The following ACOXL variants were observed in gnomAD, a reference collection of about 807,000 sequenced individuals.
ACOXL encodes the protein acyl-CoA oxidase like, also known as acyl-coenzyme A oxidase-like protein.
In ACOXL, 70 loss-of-function variants were observed where a neutral mutation model predicts 71.9. The ratio of observed to expected loss-of-function variants is 0.97; its 90% CI spans 0.80 to 1.19. The LOEUF (loss-of-function observed/expected upper bound fraction) is 1.19, where lower values mean the gene tolerates loss of function less well. ACOXL is among the 50% of genes most tolerant of loss of function. The pLI, the probability that ACOXL is intolerant of heterozygous loss-of-function variation, is 0.00. For missense variants in ACOXL, 703 were observed against 736.3 expected (o/e 0.95, Z 0.52); for synonymous variants, 253 against 281.6 (o/e 0.90, Z 1.02).
chr2:110,818,429 G>GT (rs1688201007), intron 9 of ACOXL, among the ~76,000 whole-genome samples: 1 of 142,330 alleles, frequency 7.0e-6, no homozygotes, highest in African/African-American at 2.6e-5. Flanking sequence ...ATATATGTGT[G>GT]TGTGTGTGTG....
At position 110,904,654 on chromosome 2, in the gene ACOXL, C is replaced by T. The variant is rs371370005; in HGVS notation, c.789-4135C>T. On this transcript the variant is annotated intron_variant, in intron 10 of 17. Coordinates refer to ENST00000439055, the MANE Select transcript of ACOXL (RefSeq NM_001142807.4). Reference sequence around the variant, plus strand: ...CTCACAGTTCCCAAGAGAAGGGGCACGCCATGCCACGCAGGGCCACACGGG... The same window carrying T: ...CTCACAGTTCCCAAGAGAAGGGGCATGCCATGCCACGCAGGGCCACACGGG... Among the ~76,000 whole-genome samples the T allele has an allele frequency of 9.6e-4, 146 of 152,270 alleles. 2 individuals are homozygous for T. The South Asian group carries it at 0.028, about 30-fold the overall frequency.
At chr2:110,901,034 G>A (rs17545048) in intron 10 of ACOXL, among the ~76,000 whole-genome samples, 42,093 of 152,142 alleles carry the variant, frequency 0.28, 6,669 homozygotes, top group Non-Finnish European at 0.35. Context: ...GTACGGATCT[G>A]CAGCCTGCTC....
intron 10 of ACOXL, among the ~76,000 whole-genome samples, chr2:110,851,126 A>G (rs1434661309): frequency 6.6e-6 from 1 of 152,208 alleles, no homozygotes; most frequent in Admixed American, 6.5e-5. Context: ...GTTGACTAGA[A>G]AGCAAAGTGA....
intron 16 of ACOXL, among the ~76,000 whole-genome samples, chr2:111,054,350 G>A (rs1011886055): frequency 4.6e-5 from 7 of 152,230 alleles, no homozygotes; most frequent in African/African-American, 1.7e-4. Flanking sequence ...GAGGTGGGCA[G>A]GCTGCTGGTG....
At chr2:110,765,145 C>T (rs890650762) in intron 1 of ACOXL, among the ~76,000 whole-genome samples, 1 of 152,152 alleles carries the variant, frequency 6.6e-6, no homozygotes. Context: ...GAGAAATCTG[C>T]TGTCATTCCA....
At chr2:110,852,040 C>T (rs1023975302) in intron 10 of ACOXL, among the ~76,000 whole-genome samples, 1 of 152,236 alleles carries the variant, frequency 6.6e-6, no homozygotes, top group African/African-American at 2.4e-5. Context: ...AGCTGCCCTT[C>T]TGCCAGGGCC....
rs2061999506 is a variant in ACOXL at position 110,967,836 on chromosome 2, G to A, written c.1060-19272G>A. On this transcript the variant is annotated intron_variant, in intron 12 of 17. Transcript: ENST00000439055. ...GATGTGGGTCTCTGTTTTGCAGGAT[G>A]GGGTTTGTTAAAGTTGTTAAGAATA... The A allele has an allele frequency of 2.5e-6, 3 of 1,183,066 alleles. No homozygotes were observed. In the South Asian group the frequency reaches 3.8e-5, roughly 15 times the overall value. 73.3% of individuals were successfully genotyped at this position (1,183,066 alleles called of 1,614,324 possible). A position where few individuals can be genotyped will look rare whatever the true frequency, so the allele number is the denominator to read the frequency against.
At chr2:110,853,675 TAC>T (rs1437943313) in intron 10 of ACOXL, among the ~76,000 whole-genome samples, 1 of 152,192 alleles carries the variant, frequency 6.6e-6, no homozygotes, top group South Asian at 2.1e-4. Context: ...TGTGCAATGA[TAC>T]AGAGACACAA....
Position 111,058,286 on chromosome 2 carries a change from C to A in ACOXL, c.1440+8998C>A, listed in dbSNP as rs77232649. The stretch of plus-strand genomic sequence containing the variant: ...AGGAGACATCTCTTTTGTGACTTGC[C>A]AAGAGCACGGAGAAATTCCATCAGG... On this transcript the variant is annotated intron_variant, in intron 16 of 17. Transcript: ENST00000439055. Among the ~76,000 whole-genome samples the A allele has an allele frequency of 4.4e-3, 675 of 152,242 alleles. 11 individuals carry two copies. The East Asian group carries it at 0.046, about 10-fold the overall frequency.
intron 10 of ACOXL, among the ~76,000 whole-genome samples, chr2:110,886,457 G>A (rs1244778111): frequency 1.3e-5 from 2 of 150,200 alleles, no homozygotes; most frequent in Non-Finnish European, 3.0e-5. Flanking sequence ...GCTCACTGCA[G>A]CCTCCACATC....
chr2:110,805,282 G>T lies in ACOXL; in HGVS notation c.640G>T (p.Asp214Tyr). 1 of 1,614,170 alleles carries T rather than the reference G, an allele frequency of 6.2e-7. No individual in the cohort carries two copies. Among genetic ancestry groups the T allele is most frequent in the East Asian group, 2.2e-5 (1 of 44,884 alleles). ...LLDKFGSVAP[D>Y]GQYHSPIRNK... ...CCACAGGTTTGGTTCCGTGGCTCCA[G>T]ATGGACAGTACCATTCGCCTATTAG... The change falls in exon 9 of 18, where the codon GAT (aspartate) becomes TAT (tyrosine). Residue 214 changes from aspartate to tyrosine, a missense_variant. Transcript: ENST00000439055.
chr2:110,860,424 T>G (rs547937159), intron 10 of ACOXL, among the ~76,000 whole-genome samples: 1 of 152,320 alleles, frequency 6.6e-6, no homozygotes, highest in East Asian at 1.9e-4. Flanking sequence ...CAGCCTTGAA[T>G]AGCCATTTTC....
At chr2:111,081,461 C>G (rs1386607485) in intron 16 of ACOXL, among the ~76,000 whole-genome samples, 3 of 152,112 alleles carry the variant, frequency 2.0e-5, no homozygotes, top group Non-Finnish European at 4.4e-5. Context: ...ATACAACTTA[C>G]AAGGGATGTG....
intron 14 of ACOXL, among the ~76,000 whole-genome samples, chr2:111,030,619 C>G (rs1349134868): frequency 2.0e-5 from 3 of 152,072 alleles, no homozygotes; most frequent in Non-Finnish European, 4.4e-5. Flanking sequence ...CGCAGAGCTG[C>G]AGGGAAGCAA....
chr2:110,750,522 G>T (rs1678788481), intron 1 of ACOXL, among the ~76,000 whole-genome samples: 1 of 150,746 alleles, frequency 6.6e-6, no homozygotes, highest in Non-Finnish European at 1.5e-5. Flanking sequence ...AGAAAACAAT[G>T]GCCCTACCAT....
At chr2:111,027,035 T>C (rs982546561) in intron 14 of ACOXL, among the ~76,000 whole-genome samples, 3 of 152,102 alleles carry the variant, frequency 2.0e-5, no homozygotes, top group African/African-American at 4.8e-5. Context: ...TAGCTGAAAC[T>C]ACAGGCACCC....
chr2:110,778,944 G>A (rs1032075383), intron 2 of ACOXL, among the ~76,000 whole-genome samples: 4 of 152,082 alleles, frequency 2.6e-5, no homozygotes, highest in South Asian at 2.1e-4. Context: ...AATAAGATAC[G>A]TTCATTATTA....
chr2:111,116,181 T>C (rs772481235), intron 17 of ACOXL, among the ~76,000 whole-genome samples: 1 of 152,164 alleles, frequency 6.6e-6, no homozygotes, highest in Non-Finnish European at 1.5e-5. Flanking sequence ...ACGTTGAGAG[T>C]TGACAGATTA....
intron 16 of ACOXL, among the ~76,000 whole-genome samples, chr2:111,059,484 A>G (rs1275987903): frequency 6.6e-6 from 1 of 152,220 alleles, no homozygotes; most frequent in African/African-American, 2.4e-5. Context: ...ATAACACCCA[A>G]CCATACAATA....
Sources: allele counts gnomAD v4.1 joint callset (sites outside exome capture counted in the v4.1 genomes callset), GRCh38; gene constraint gnomAD v4.1.1; transcripts MANE v1.5; gene names NCBI Gene and HGNC (gene_info 2026-07-23, HGNC 2026-07-21).